The following PRSS38 variants were observed in gnomAD, a reference collection of about 807,000 sequenced individuals.
PRSS38 encodes the protein serine protease 38.
Under a neutral mutation model 26.8 loss-of-function variants are expected in PRSS38, and 22 were observed. The ratio of observed to expected loss-of-function variants is 0.82; its 90% confidence interval spans 0.59 to 1.17. The LOEUF is 1.17. Among genes scored for constraint, PRSS38 ranks in the 50% most tolerant of loss-of-function variants. PRSS38 has a pLI of 0.00. For missense variants in PRSS38, 427 were observed against 422.7 expected, an observed-to-expected ratio of 1.01 and a Z score of -0.09; for synonymous variants, 175 against 172.1, an observed-to-expected ratio of 1.02 and a Z score of -0.13.
At position 227,816,086 on chromosome 1, in the gene PRSS38, G is replaced by A. The variant is rs1664908409; in HGVS notation, c.149-4G>A. ...CTCCACCGTCAGCTCCGTTCTCCCT[G>A]CAGCCTGTGGTCGGCCCAGCATGGA... On this transcript the variant is annotated splice_polypyrimidine_tract_variant and splice_region_variant and intron_variant, in intron 1 of 4. Transcript: ENST00000366757. This position sits in a 1 kb window ranked among gnomAD's most constrained non-coding sequence, Gnocchi z 5.1. 1 of 1,611,102 alleles carries A rather than the reference G, an allele frequency of 6.2e-7. No individual in the cohort carries two copies. Among genetic ancestry groups the A allele is most frequent in the South Asian group, 1.1e-5 (1 of 90,804 alleles).
chr1:227,830,873 G>T (rs1003636697), intron 3 of PRSS38, among the ~76,000 whole-genome samples: 4 of 151,994 alleles, frequency 2.6e-5, no homozygotes, highest in Non-Finnish European at 2.9e-5. Flanking sequence ...ATTTCTAAAA[G>T]GATAGTAGTA....
At chr1:227,843,204 C>T (rs1353037153) in intron 3 of PRSS38, among the ~76,000 whole-genome samples, 2 of 152,144 alleles carry the variant, frequency 1.3e-5, no homozygotes, top group African/African-American at 4.8e-5. Context: ...AGCTGCAGGC[C>T]GCAAGACTTG....
chr1:227,816,213 A>T lies in PRSS38; in HGVS notation c.272A>T (p.Asn91Ile). The change falls in exon 2 of 5, where the codon AAT becomes ATT. Residue 91 changes from asparagine to isoleucine, a missense_variant. Physicochemically the swap from Asn to Ile is moderately radical, Grantham distance 149 (BLOSUM62 -3). Coordinates refer to ENST00000366757, the Ensembl canonical transcript of PRSS38. This position sits in a 1 kb window ranked among gnomAD's most constrained non-coding sequence, Gnocchi z 5.1. The stretch of plus-strand genomic sequence containing the variant: ...CACGTCTGCGGCGGCTCCATCCTCA[A>T]TGAGTACTGGGTGCTGTCAGCTGCG... The T allele has an allele frequency of 6.2e-7, 1 of 1,613,588 alleles. No individual in the cohort carries two copies. Among genetic ancestry groups the T allele is most frequent in the East Asian group, 2.2e-5 (1 of 44,860 alleles).
At chr1:227,819,666 G>A (rs1481317066) in intron 3 of PRSS38, among the ~76,000 whole-genome samples, 2 of 152,064 alleles carry the variant, frequency 1.3e-5, no homozygotes, top group East Asian at 1.9e-4. Flanking sequence ...TTATAGATTC[G>A]AGTATGCAAG....
exon 5 of PRSS38, chr1:227,846,407 G>C: frequency 1.5e-6 from 1 of 655,524 alleles, no homozygotes; most frequent in Non-Finnish European, 2.6e-6. Context: ...GCTGGTCAGG[G>C]AGAACCCAGC....
At chr1:227,824,423 G>A (rs542640381) in intron 3 of PRSS38, among the ~76,000 whole-genome samples, 1 of 152,272 alleles carries the variant, frequency 6.6e-6, no homozygotes, top group South Asian at 2.1e-4. Flanking sequence ...TGGCTGCATA[G>A]TATTCCATGG....
At chr1:227,841,962 G>T (rs1665343514) in intron 3 of PRSS38, among the ~76,000 whole-genome samples, 2 of 152,176 alleles carry the variant, frequency 1.3e-5, no homozygotes. Context: ...TCATGGGGAA[G>T]GGGAAGGGAC....
At chr1:227,834,636 T>C (rs1315414023) in intron 3 of PRSS38, among the ~76,000 whole-genome samples, 2 of 150,640 alleles carry the variant, frequency 1.3e-5, no homozygotes, top group African/African-American at 4.9e-5. Context: ...ACCACTGCAC[T>C]CCAGCCTGGG....
chr1:227,838,838 T>A (rs936823963), intron 3 of PRSS38, among the ~76,000 whole-genome samples: 5 of 152,204 alleles, frequency 3.3e-5, no homozygotes, highest in Non-Finnish European at 7.3e-5. Context: ...TCTTTTCAAA[T>A]AAAATTCTTT....
At chr1:227,838,957 T>C (rs1665276908) in intron 3 of PRSS38, among the ~76,000 whole-genome samples, 1 of 152,144 alleles carries the variant, frequency 6.6e-6, no homozygotes, top group African/African-American at 2.4e-5. Flanking sequence ...AGTGCTGGGA[T>C]TACAGGCATG....
intron 1 of PRSS38, 77 bp downstream of exon 1, chr1:227,815,941 C>T: frequency 6.6e-7 from 1 of 1,520,606 alleles, no homozygotes; most frequent in Non-Finnish European, 8.9e-7. Context: ...GGCCTCCTCC[C>T]CCATGTCGCC....
At chr1:227,815,994 C>A (rs1664906519) in intron 1 of PRSS38, 96 bp from the exon 2 acceptor site, 2 of 1,507,910 alleles carry the variant, frequency 1.3e-6, no homozygotes, top group Non-Finnish European at 1.8e-6. Context: ...CCTTCCCTTC[C>A]TCCTGTGTCC....
intron 1 of PRSS38, 64 bp downstream of exon 1, chr1:227,815,928 C>T: frequency 1.3e-6 from 2 of 1,536,556 alleles, no homozygotes; most frequent in Admixed American, 1.9e-5. Flanking sequence ...TCTGTCGGTG[C>T]TGGGCCTCCT....
In PRSS38 at chr1:227,845,913, T is replaced by G. The variant is rs756876596; in HGVS notation, c.727-41T>G. 5 of 1,607,838 alleles carry G rather than the reference T, an allele frequency of 3.1e-6. No individual in the cohort carries two copies. The African/African-American group carries it at 6.7e-5, about 21-fold the overall frequency. On this transcript the variant is annotated intron_variant, in intron 4 of 4. Transcript: ENST00000366757. ...GGACAGGTGCAGGAGGCGGCAGGCC[T>G]GGGACTCCCAGTTCACAAAAAACTC... is the stretch of plus-strand genomic sequence containing the variant.
intron 3 of PRSS38, among the ~76,000 whole-genome samples, chr1:227,838,185 G>T (rs558895555): frequency 6.6e-6 from 1 of 152,216 alleles, no homozygotes; most frequent in Non-Finnish European, 1.5e-5. Context: ...ATAAAGATTT[G>T]CCTATTGTAA....
chr1:227,842,064 A>G (rs1322310948), intron 3 of PRSS38, among the ~76,000 whole-genome samples: 1 of 151,972 alleles, frequency 6.6e-6, no homozygotes, highest in Non-Finnish European at 1.5e-5. Context: ...CACTCCCCCC[A>G]CCTCCACAGC....
At chr1:227,844,336 C>G (rs1404482281) in intron 3 of PRSS38, among the ~76,000 whole-genome samples, 5 of 152,088 alleles carry the variant, frequency 3.3e-5, no homozygotes, top group East Asian at 1.9e-4. Context: ...CCCTACCCCC[C>G]ATGAGTGGTG....
chr1:227,823,450 G>A (rs574208444), intron 3 of PRSS38, among the ~76,000 whole-genome samples: 36 of 151,948 alleles, frequency 2.4e-4, no homozygotes, highest in African/African-American at 8.2e-4. Context: ...GGGTGGGCTC[G>A]AAGGTTGGTT....
chr1:227,816,172 G>A lies in PRSS38; in HGVS notation c.231G>A (p.Val77=). 1.2e-6 allele frequency: 2 copies of A among 1,613,608 alleles called. No homozygotes were observed. The highest frequency in any genetic ancestry group is 1.7e-6 in the Non-Finnish European group (2 of 1,179,904). ...GGAAGTGGCCGTGGCAGGTCAGCGT[G>A]CACTACGCAGGCCTCCACGTCTGCG... Residue 77 remains valine, a synonymous_variant, in exon 2 of 5, where the codon GTG becomes GTA. Transcript: ENST00000366757. The surrounding 1 kb of genome is among the most constrained non-coding windows in gnomAD (Gnocchi z 5.1).
Sources: allele counts gnomAD v4.1 joint callset (sites outside exome capture counted in the v4.1 genomes callset), GRCh38; gene constraint gnomAD v4.1.1; non-coding constraint Gnocchi (gnomAD v3.1); transcripts MANE v1.5; gene names NCBI Gene and HGNC (gene_info 2026-07-23, HGNC 2026-07-21).